Variants in LRBA observed in about 807,000 individuals in gnomAD.
LRBA encodes lipopolysaccharide-responsive and beige-like anchor protein.
A neutral mutation model predicts 330.0 loss-of-function variants in LRBA; 176 were observed. That is an observed-to-expected ratio of 0.53 (90% confidence interval 0.47 to 0.60). The LOEUF is 0.60. Among genes scored for constraint, LRBA ranks in the 20% least tolerant of loss-of-function variants. LRBA has a pLI of 0.00. For synonymous variants in LRBA, 1,230 were observed against 1,193.0 expected (o/e 1.03, Z -0.64); for missense variants, 3,259 against 3,444.8 (o/e 0.95, Z 1.35).
chr4:150,992,072 T>C (rs1483799889), intron 2 of LRBA, among the ~76,000 whole-genome samples: 2 of 152,062 alleles, frequency 1.3e-5, no homozygotes, highest in Non-Finnish European at 2.9e-5. Flanking sequence ...TCACAGCACT[T>C]TGGGAGGCCA....
At chr4:150,868,145 T>C in intron 21 of LRBA, 37 bp downstream of exon 21, 1 of 1,573,234 alleles carries the variant, frequency 6.4e-7, no homozygotes, top group Non-Finnish European at 8.6e-7. Flanking sequence ...AAAGTACATT[T>C]GAATACTGCA....
intron 40 of LRBA, among the ~76,000 whole-genome samples, chr4:150,498,188 CTG>C (rs1759811328): frequency 6.6e-6 from 1 of 152,194 alleles, no homozygotes; most frequent in African/African-American, 2.4e-5. Flanking sequence ...TTATGGCAAA[CTG>C]AAATTCCCAT....
At chr4:150,699,275 A>G (rs1165638559) in intron 36 of LRBA, among the ~76,000 whole-genome samples, 1 of 152,158 alleles carries the variant, frequency 6.6e-6, no homozygotes. Flanking sequence ...TGCCTGTTCA[A>G]GAGTGTGGCC....
At chr4:150,710,491 A>G (rs1186743975) in intron 36 of LRBA, among the ~76,000 whole-genome samples, 2 of 152,124 alleles carry the variant, frequency 1.3e-5, no homozygotes, top group Admixed American at 6.6e-5. Context: ...AACAAATGCT[A>G]ACAAAAATAG....
chr4:150,753,705 TA>T (rs1733869650), intron 35 of LRBA, among the ~76,000 whole-genome samples: 1 of 152,148 alleles, frequency 6.6e-6, no homozygotes, highest in Non-Finnish European at 1.5e-5. Context: ...TTAGCATTTT[TA>T]GGGGGTGAAA....
At chr4:150,434,541 T>C (rs77321236) in intron 46 of LRBA, among the ~76,000 whole-genome samples, 40 of 152,284 alleles carry the variant, frequency 2.6e-4, no homozygotes, top group African/African-American at 9.4e-4. Flanking sequence ...TTTTTCAGAC[T>C]ATAGTAATTT....
intron 32 of LRBA, among the ~76,000 whole-genome samples, chr4:150,807,812 AT>A (rs529305839): frequency 4.6e-5 from 7 of 151,720 alleles, no homozygotes; most frequent in African/African-American, 1.7e-4. Flanking sequence ...CACCTAGCTA[AT>A]TTTTTTTAAT....
chr4:150,930,955 G>A (rs1148642), intron 2 of LRBA, among the ~76,000 whole-genome samples: 130,952 of 152,210 alleles, frequency 0.86, 58,415 homozygotes, highest in East Asian at 1. Context: ...CTGGATAAAC[G>A]CTATAAGCTA....
rs770586432 is a variant in LRBA, at chr4:150,419,880, T to G, written c.7042-4290A>C. On this transcript the variant is annotated intron_variant, in intron 46 of 56. Transcript: ENST00000651943. ...CTCAAACTCCTGACCTCAGGTGATCTGCCTGCCTCGGCCTCCCAAAGTGCT... is the reference window on the plus strand; with the variant it reads ...CTCAAACTCCTGACCTCAGGTGATCGGCCTGCCTCGGCCTCCCAAAGTGCT... 1.2e-3 allele frequency among the ~76,000 whole-genome samples: 176 copies of G among 151,166 alleles called. 1 individual carries two copies. The highest frequency in any genetic ancestry group is 2.1e-3 in the Non-Finnish European group (141 of 67,708).
At chr4:150,575,828 A>T (rs907445895) in intron 40 of LRBA, among the ~76,000 whole-genome samples, 1 of 151,886 alleles carries the variant, frequency 6.6e-6, no homozygotes, top group African/African-American at 2.4e-5. Context: ...AATGTGAGTC[A>T]ATAATATTAT....
intron 34 of LRBA, among the ~76,000 whole-genome samples, chr4:150,775,805 GAAAAA>G (rs35161747): frequency 1.3e-4 from 8 of 59,982 alleles, no homozygotes; most frequent in Admixed American, 8.4e-4. Flanking sequence ...AAGAAAGAAT[GAAAAA>G]AAAAAAAAAA....
intron 47 of LRBA, among the ~76,000 whole-genome samples, chr4:150,378,170 T>G (rs1561090259): frequency 6.6e-6 from 1 of 152,206 alleles, no homozygotes; most frequent in African/African-American, 2.4e-5. Flanking sequence ...TTACTTCTTA[T>G]GTATAAGTGA....
chr4:150,311,760 T>C (rs1435097294), intron 51 of LRBA, among the ~76,000 whole-genome samples: 3 of 152,198 alleles, frequency 2.0e-5, no homozygotes, highest in African/African-American at 7.2e-5. Context: ...AGAATCCTAG[T>C]TGGGAATCAT....
chr4:150,923,608 A>C (rs549711766), intron 4 of LRBA, among the ~76,000 whole-genome samples: 18 of 152,356 alleles, frequency 1.2e-4, no homozygotes, highest in Admixed American at 9.8e-4. Context: ...TTATTTGATT[A>C]ATGTTTCCTT....
At position 150,541,101 on chromosome 4, in the gene LRBA, A is replaced by G. The variant is rs541144764; in HGVS notation, c.6330+46947T>C. ...TAACAAAGGTAAACGAAAGTTAGCC[A>G]GTTACTGGATTTAGTCAGTTCAATG... is the stretch of plus-strand genomic sequence containing the variant. On this transcript the variant is annotated intron_variant, in intron 40 of 56. Coordinates refer to ENST00000651943, the MANE Select transcript of LRBA (RefSeq NM_001364905.1). 3.9e-5 allele frequency among the ~76,000 whole-genome samples: 6 copies of G among 152,336 alleles called. No homozygotes were observed. The South Asian group carries it at 1.2e-3, about 32-fold the overall frequency.
chr4:150,853,143 A>C (rs1013714948), intron 22 of LRBA, among the ~76,000 whole-genome samples, 200 bp from the exon 23 acceptor site: 5 of 152,216 alleles, frequency 3.3e-5, no homozygotes, highest in Non-Finnish European at 7.4e-5. Flanking sequence ...AGCCAATTTT[A>C]ATGTTAACAA....
intron 44 of LRBA, among the ~76,000 whole-genome samples, chr4:150,447,569 G>T (rs1233867071): frequency 6.6e-6 from 1 of 152,136 alleles, no homozygotes; most frequent in African/African-American, 2.4e-5. Flanking sequence ...CCAGCCTGCA[G>T]ATGGCAGACT....
At chr4:150,833,191 C>T (rs557123233) in intron 28 of LRBA, among the ~76,000 whole-genome samples, 168 of 152,162 alleles carry the variant, frequency 1.1e-3, no homozygotes, top group Admixed American at 2.3e-3. Flanking sequence ...AGGGCCTAGG[C>T]TCCATTCTAG....
At chr4:150,281,597 C>A (rs1175919075) in intron 55 of LRBA, among the ~76,000 whole-genome samples, 1 of 152,146 alleles carries the variant, frequency 6.6e-6, no homozygotes, top group African/African-American at 2.4e-5. Context: ...AGAGCTAGCC[C>A]AACGCCAGGG....
Sources: allele counts gnomAD v4.1 joint callset (sites outside exome capture counted in the v4.1 genomes callset), GRCh38; gene constraint gnomAD v4.1.1; transcripts MANE v1.5; gene names NCBI Gene and HGNC (gene_info 2026-07-23, HGNC 2026-07-21).